GPM6A: variants seen among roughly 807,000 people sequenced by gnomAD.
The protein encoded by GPM6A is glycoprotein M6A.
A neutral mutation model predicts 32.1 loss-of-function variants in GPM6A; 7 were observed. That is an observed-to-expected ratio of 0.22 (90% CI 0.12 to 0.41). The LOEUF (loss-of-function observed/expected upper bound fraction) is 0.41, where lower values mean the gene tolerates loss of function less well. Ranked by LOEUF, GPM6A falls within the 10% of genes least tolerant of loss-of-function variation. GPM6A has a pLI of 1.00. For synonymous variants in GPM6A, 130 were observed against 123.4 expected (o/e 1.05, Z -0.35); for missense variants, 235 against 347.2 (o/e 0.68, Z 2.57).
chr4:175,644,128 T>G (rs1023177884), intron 4 of GPM6A, among the ~76,000 whole-genome samples: 2 of 148,556 alleles, frequency 1.3e-5, no homozygotes, highest in Non-Finnish European at 3.0e-5. Context: ...TTTGTTTTTT[T>G]TTTTTTTTTT....
Position 175,634,723 on chromosome 4 carries a change from A to G in GPM6A, c.*182T>C, listed in dbSNP as rs1161643026. On this transcript the variant is annotated 3_prime_UTR_variant, in exon 7 of 7. Transcript: ENST00000393658. ...TGTAGAAAAGATCTGATTTACATCA[A>G]TTTAATAAATTGGGAAATTTAAGTG... The G allele has an allele frequency of 1.4e-5, 7 of 512,680 alleles. No individual in the cohort carries two copies. Among genetic ancestry groups the G allele is most frequent in the South Asian group, 6.5e-5 (2 of 30,722 alleles). The allele number at this position is 512,680 out of a possible 1,614,324, so 31.8% of individuals were successfully genotyped here.
intron 1 of GPM6A, among the ~76,000 whole-genome samples, chr4:175,929,359 T>C (rs931930398): frequency 6.6e-5 from 10 of 152,140 alleles, no homozygotes; most frequent in African/African-American, 2.4e-4. Context: ...ACGCCAGGAG[T>C]ACTTTGTACT....
At chr4:175,842,977 T>A (rs1280518364) in intron 1 of GPM6A, among the ~76,000 whole-genome samples, 1 of 151,184 alleles carries the variant, frequency 6.6e-6, no homozygotes, top group South Asian at 2.1e-4. Context: ...ATTTTATATA[T>A]GTAAAATATA....
intron 1 of GPM6A, among the ~76,000 whole-genome samples, chr4:175,809,652 T>A (rs142357256): frequency 1.4e-4 from 22 of 152,212 alleles, no homozygotes; most frequent in African/African-American, 5.3e-4. Flanking sequence ...TAAATTATCC[T>A]CTCTCTCTGA....
chr4:175,743,192 T>TA (rs34420523), intron 1 of GPM6A, among the ~76,000 whole-genome samples: 9 of 147,714 alleles, frequency 6.1e-5, no homozygotes, highest in East Asian at 4.3e-4. Flanking sequence ...TAACACTGAT[T>TA]AAAAAAAAAA....
chr4:175,748,041 C>T (rs944321736), intron 1 of GPM6A, among the ~76,000 whole-genome samples: 1 of 152,102 alleles, frequency 6.6e-6, no homozygotes, highest in African/African-American at 2.4e-5. Flanking sequence ...CAAATTTTAT[C>T]GTGAGATTGT....
At chr4:175,709,453 G>A (rs1430957017) in intron 1 of GPM6A, among the ~76,000 whole-genome samples, 1 of 151,934 alleles carries the variant, frequency 6.6e-6, no homozygotes, top group African/African-American at 2.4e-5. Context: ...AAACAGGCTG[G>A]TCACGGTGGC....
chr4:175,895,554 C>T (rs1737770333), intron 1 of GPM6A, among the ~76,000 whole-genome samples: 1 of 151,790 alleles, frequency 6.6e-6, no homozygotes, highest in African/African-American at 2.4e-5. Context: ...ATGTATATCA[C>T]CAAGAGATAT....
intron 1 of GPM6A, among the ~76,000 whole-genome samples, chr4:175,859,694 C>T (rs2111417557): frequency 6.6e-6 from 1 of 152,192 alleles, no homozygotes; most frequent in Admixed American, 6.6e-5. Context: ...TTGTTAGATT[C>T]CTGACACCAA....
intron 1 of GPM6A, among the ~76,000 whole-genome samples, chr4:175,890,684 G>A (rs1737620559): frequency 6.6e-6 from 1 of 151,822 alleles, no homozygotes; most frequent in Non-Finnish European, 1.5e-5. Context: ...CTCCCAAGTA[G>A]CTAGGACTAC....
intron 1 of GPM6A, among the ~76,000 whole-genome samples, chr4:175,851,945 G>C (rs1284843132): frequency 1.3e-5 from 2 of 152,154 alleles, no homozygotes; most frequent in Non-Finnish European, 2.9e-5. Context: ...GCCACACACT[G>C]GGTGAAGCAA....
intron 3 of GPM6A, chr4:175,654,070 A>G (rs1182104787): frequency 6.6e-6 from 1 of 152,134 alleles, no homozygotes; most frequent in East Asian, 1.9e-4. Flanking sequence ...GTGGATAAGT[A>G]TACTCCAAGC....
chr4:175,653,601 TA>T (rs1741922006), intron 3 of GPM6A, among the ~76,000 whole-genome samples: 2 of 152,158 alleles, frequency 1.3e-5, no homozygotes, highest in Admixed American at 6.6e-5. Context: ...GTAACTATCA[TA>T]AAAAAGGTAT....
At chr4:175,655,784 C>T (rs1742050332) in intron 3 of GPM6A, among the ~76,000 whole-genome samples, 1 of 151,980 alleles carries the variant, frequency 6.6e-6, no homozygotes, top group Non-Finnish European at 1.5e-5. Context: ...CACTTAATCC[C>T]TCATAGTCAC....
intron 2 of GPM6A, among the ~76,000 whole-genome samples, chr4:175,675,566 C>T (rs1743316438): frequency 6.6e-6 from 1 of 152,106 alleles, no homozygotes; most frequent in African/African-American, 2.4e-5. Flanking sequence ...TTTCAATAAA[C>T]CCACTAATCT....
chr4:175,700,393 T>C (rs569279115), intron 2 of GPM6A, among the ~76,000 whole-genome samples: 3 of 152,324 alleles, frequency 2.0e-5, no homozygotes, highest in African/African-American at 7.2e-5. Flanking sequence ...AGTTGTCTTC[T>C]ACCTAAAAAG....
At chr4:175,664,593 A>G (rs1477781288) in intron 3 of GPM6A, among the ~76,000 whole-genome samples, 46 of 152,242 alleles carry the variant, frequency 3.0e-4, no homozygotes, top group Admixed American at 3.0e-3. Context: ...TCATGTTCAT[A>G]TACTTCAAGA....
chr4:175,725,997 T>TTTC lies in GPM6A; in HGVS notation c.38-24231_38-24230insGAA, dbSNP rs1366539254. On this transcript the variant is annotated intron_variant, in intron 1 of 6. Coordinates refer to ENST00000393658, the MANE Select transcript of GPM6A (RefSeq NM_201591.3). ...TTTCCAAATACCCTGTTTCTTCTTT[T>TTTC]TTTTTTTTTTTTTTTAAGACGGAGT... Among the ~76,000 whole-genome samples, 859 of 147,096 alleles carry TTTC rather than the reference T, an allele frequency of 5.8e-3. 12 individuals carry two copies. Among genetic ancestry groups the TTTC allele is most frequent in the Middle Eastern group, 0.021 (6 of 288 alleles).
At chr4:175,834,234 G>A (rs543407752) in intron 1 of GPM6A, among the ~76,000 whole-genome samples, 5 of 152,250 alleles carry the variant, frequency 3.3e-5, no homozygotes, top group East Asian at 3.9e-4. Flanking sequence ...ATGTCCCTAC[G>A]CCTCAATTCT....
Sources: allele counts gnomAD v4.1 joint callset (sites outside exome capture counted in the v4.1 genomes callset), GRCh38; gene constraint gnomAD v4.1.1; transcripts MANE v1.5; gene names NCBI Gene and HGNC (gene_info 2026-07-23, HGNC 2026-07-21).